Variants in BAMBI observed in about 807,000 individuals in gnomAD.
BAMBI encodes the protein BMP and activin membrane-bound inhibitor homolog.
In BAMBI, 21 loss-of-function variants were observed where a neutral mutation model predicts 24.1. The ratio of observed to expected loss-of-function variants is 0.87; its 90% CI spans 0.62 to 1.26. The LOEUF (loss-of-function observed/expected upper bound fraction) is 1.26. Among genes scored for constraint, BAMBI ranks in the 50% most tolerant of loss-of-function variants. BAMBI has a pLI of 0.00. For missense variants in BAMBI, 388 were observed against 329.1 expected (o/e 1.18, Z -1.38); for synonymous variants, 156 against 123.1 (o/e 1.27, Z -1.77).
In BAMBI at chr10:28,681,240, G is replaced by T; in HGVS notation, c.77-18G>T. ...GGTCTCTGGAGCAGAGTTTGAGGTG[G>T]TTTCTCATTGTTTTCAGGTGAAATT... On this transcript the variant is annotated intron_variant, in intron 1 of 2. Coordinates refer to ENST00000375533, the MANE Select transcript of BAMBI (RefSeq NM_012342.3). 6.2e-7 allele frequency: 1 copy of T among 1,604,358 alleles called. No homozygotes were observed. Among genetic ancestry groups the T allele is most frequent in the Non-Finnish European group, 8.5e-7 (1 of 1,177,160 alleles).
chr10:28,680,013 C>T (rs373586656), intron 1 of BAMBI, among the ~76,000 whole-genome samples: 1 of 152,130 alleles, frequency 6.6e-6, no homozygotes, highest in Non-Finnish European at 1.5e-5. Context: ...GAAAACTGAG[C>T]ATACAATACC....
rs983183120 is a variant in BAMBI at position 28,682,145 on chromosome 10, T to G, written c.527T>G (p.Leu176Arg). 1.9e-6 allele frequency: 3 copies of G among 1,614,154 alleles called. No homozygotes were observed. Among genetic ancestry groups the G allele is most frequent in the Non-Finnish European group, 2.5e-6 (3 of 1,180,026 alleles). ...CTTATTATGTTGGCCCTGAGGATGC[T>G]TCGAAGTGAAAATAAGAGGCTGCAG... ...VLLIMLALRM[L>R]RSENKRLQDQ... Residue 176 changes from leucine to arginine, a missense_variant, in exon 3 of 3, where the codon CTT becomes CGT. Transcript: ENST00000375533.
intron 1 of BAMBI, among the ~76,000 whole-genome samples, chr10:28,679,606 A>G (rs1834476228): frequency 6.6e-6 from 1 of 152,228 alleles, no homozygotes; most frequent in South Asian, 2.1e-4. Context: ...GTCATTGAAA[A>G]TAGGCTCTCA....
chr10:28,678,038 C>T (rs1239408888), intron 1 of BAMBI, 65 bp downstream of exon 1: 3 of 1,412,416 alleles, frequency 2.1e-6, no homozygotes, highest in East Asian at 2.7e-5. Flanking sequence ...GAGCCGGCTG[C>T]AGAGGCTTTG....
At position 28,677,853 on chromosome 10, in the gene BAMBI, G is replaced by A; in HGVS notation, c.-45G>A. The A allele has an allele frequency of 6.8e-7, 1 of 1,463,172 alleles. No individual in the cohort carries two copies. Among genetic ancestry groups the A allele is most frequent in the Non-Finnish European group, 9.0e-7 (1 of 1,106,010 alleles). The allele number at this position is 1,463,172 out of a possible 1,614,324, so 90.6% of individuals were successfully genotyped here. ...GGGGTCGTAGGCTGCCGCCGAGCCGGGGCTCCGGAAGCCGGCGGGGGCGCC... is the reference window on the plus strand; with the variant it reads ...GGGGTCGTAGGCTGCCGCCGAGCCGAGGCTCCGGAAGCCGGCGGGGGCGCC... On this transcript the variant is annotated 5_prime_UTR_variant, in exon 1 of 3. Coordinates refer to ENST00000375533, the MANE Select transcript of BAMBI (RefSeq NM_012342.3).
intron 1 of BAMBI, 57 bp from the exon 2 acceptor site, chr10:28,681,201 T>C (rs1834493075): frequency 1.9e-6 from 3 of 1,557,072 alleles, no homozygotes; most frequent in Admixed American, 1.8e-5. Flanking sequence ...GTTGCCTAAA[T>C]AGTTGCTTTA....
chr10:28,681,341 A>G lies in BAMBI; in HGVS notation c.160A>G (p.Arg54Gly). ...CKSELSACFS[R>G]LLDPQNSNSP... ...ATCTGAGCTCAGCGCCTGCTTCTCT[A>G]GACTTCTTGATCCTCAGAACTCAAA... Residue 54 changes from arginine to glycine, a missense_variant, in exon 2 of 3, where the codon AGA becomes GGA. Physicochemically the swap from Arg to Gly is moderately radical, Grantham distance 125. Coordinates refer to ENST00000375533, the MANE Select transcript of BAMBI (RefSeq NM_012342.3). The G allele has an allele frequency of 6.2e-7, 1 of 1,614,152 alleles. No homozygotes were observed. Among genetic ancestry groups the G allele is most frequent in the Non-Finnish European group, 8.5e-7 (1 of 1,180,036 alleles).
At chr10:28,679,599 A>G (rs1167357962) in intron 1 of BAMBI, among the ~76,000 whole-genome samples, 1 of 152,116 alleles carries the variant, frequency 6.6e-6, no homozygotes, top group Non-Finnish European at 1.5e-5. Context: ...TTTTTAGGTC[A>G]TTGAAAATAG....
rs2132943483 is a variant in BAMBI, at chr10:28,677,749, T to A, written c.-149T>A. On this transcript the variant is annotated 5_prime_UTR_variant, in exon 1 of 3. Coordinates refer to ENST00000375533, the MANE Select transcript of BAMBI (RefSeq NM_012342.3). ...CGCGCCCTGTAGCCGCGCTCCATGCTCCGGCAGCGGCCCGAAACCCAGCCC... is the reference window on the plus strand; with the variant it reads ...CGCGCCCTGTAGCCGCGCTCCATGCACCGGCAGCGGCCCGAAACCCAGCCC... 2.6e-6 allele frequency: 1 copy of A among 379,458 alleles called. No individual in the cohort carries two copies. Among genetic ancestry groups the A allele is most frequent in the South Asian group, 1.3e-4 (1 of 7,590 alleles). 23.5% of individuals were successfully genotyped at this position (379,458 alleles called of 1,614,324 possible).
intron 1 of BAMBI, 130 bp downstream of exon 1, chr10:28,678,103 C>G: frequency 1.2e-6 from 1 of 804,656 alleles, no homozygotes; most frequent in Non-Finnish European, 1.8e-6. Flanking sequence ...CGACAAGTTG[C>G]TGTGTTCTTA....
At chr10:28,678,355 CAG>C (rs956767990) in intron 1 of BAMBI, among the ~76,000 whole-genome samples, 31 of 152,326 alleles carry the variant, frequency 2.0e-4, no homozygotes, top group Admixed American at 8.5e-4. Context: ...GTGAGTGCCT[CAG>C]GGTGTATTTC....
At chr10:28,679,040 A>G (rs1481974372) in intron 1 of BAMBI, among the ~76,000 whole-genome samples, 1 of 152,178 alleles carries the variant, frequency 6.6e-6, no homozygotes, top group African/African-American at 2.4e-5. Flanking sequence ...AGCAGGCATG[A>G]GGTTAAAGCA....
chr10:28,678,950 C>CTGTT (rs1468565987), intron 1 of BAMBI, among the ~76,000 whole-genome samples: 1 of 152,064 alleles, frequency 6.6e-6, no homozygotes, highest in Non-Finnish European at 1.5e-5. Context: ...AATCTACCTA[C>CTGTT]TGTTCTGTGA....
intron 2 of BAMBI, 34 bp downstream of exon 2, chr10:28,681,579 C>T: frequency 6.2e-7 from 1 of 1,603,642 alleles, no homozygotes; most frequent in Non-Finnish European, 8.5e-7. Context: ...AGAATGCCTG[C>T]CTGATCTATA....
Position 28,677,826 on chromosome 10 carries a change from C to T in BAMBI, c.-72C>T. Reference sequence around the variant, plus strand: ...GGCAGGGCCCATGCCCTGCGCGCTCCGGGGGTCGTAGGCTGCCGCCGAGCC... The same window carrying T: ...GGCAGGGCCCATGCCCTGCGCGCTCTGGGGGTCGTAGGCTGCCGCCGAGCC... On this transcript the variant is annotated 5_prime_UTR_variant, in exon 1 of 3. Transcript: ENST00000375533. The T allele has an allele frequency of 7.7e-7, 1 of 1,305,992 alleles. No homozygotes were observed. The highest frequency in any genetic ancestry group is 1.0e-6 in the Non-Finnish European group (1 of 992,668). 80.9% of individuals were successfully genotyped at this position (1,305,992 alleles called of 1,614,324 possible).
intron 2 of BAMBI, 37 bp downstream of exon 2, chr10:28,681,582 G>T (rs368717623): frequency 1.2e-6 from 2 of 1,600,930 alleles, no homozygotes; most frequent in Non-Finnish European, 1.7e-6. Context: ...ATGCCTGCCT[G>T]ATCTATAGAC....
At chr10:28,681,094 C>T (rs1411121407) in intron 1 of BAMBI, among the ~76,000 whole-genome samples, 164 bp from the exon 2 acceptor site, 5 of 152,016 alleles carry the variant, frequency 3.3e-5, no homozygotes, top group African/African-American at 1.2e-4. Flanking sequence ...TTGAAACTTA[C>T]GCACTGGCTG....
chr10:28,677,860 G>A lies in BAMBI; in HGVS notation c.-38G>A, dbSNP rs1478508803. On this transcript the variant is annotated 5_prime_UTR_variant, in exon 1 of 3. Coordinates refer to ENST00000375533, the MANE Select transcript of BAMBI (RefSeq NM_012342.3). ...TAGGCTGCCGCCGAGCCGGGGCTCC[G>A]GAAGCCGGCGGGGGCGCCGCGGCCG... 6.8e-7 allele frequency: 1 copy of A among 1,475,996 alleles called. No individual in the cohort carries two copies. Among genetic ancestry groups the A allele is most frequent in the Admixed American group, 2.2e-5 (1 of 45,394 alleles). The allele number at this position is 1,475,996 out of a possible 1,614,324, so 91.4% of individuals were successfully genotyped here. A position where few individuals can be genotyped will look rare whatever the true frequency, so the allele number is the denominator to read the frequency against.
chr10:28,678,035 C>A, intron 1 of BAMBI, 62 bp downstream of exon 1: 2 of 1,416,202 alleles, frequency 1.4e-6, no homozygotes, highest in Non-Finnish European at 1.9e-6. Flanking sequence ...TTGGAGCCGG[C>A]TGCAGAGGCT....
Sources: allele counts gnomAD v4.1 joint callset (sites outside exome capture counted in the v4.1 genomes callset), GRCh38; gene constraint gnomAD v4.1.1; transcripts MANE v1.5; gene names NCBI Gene and HGNC (gene_info 2026-07-23, HGNC 2026-07-21).